The following ITGA11 variants were observed in gnomAD, a reference collection of about 807,000 sequenced individuals.
The protein encoded by ITGA11 is integrin subunit alpha 11.
ITGA11 carries 97 observed loss-of-function variants against 141.9 expected under a neutral mutation model. The ratio of observed to expected loss-of-function variants is 0.68; its 90% CI spans 0.58 to 0.81. The LOEUF (loss-of-function observed/expected upper bound fraction) is 0.81. Among genes scored for constraint, ITGA11 ranks in the 30% least tolerant of loss-of-function variants. The pLI is 0.00. For missense variants in ITGA11, 1,387 were observed against 1,559.2 expected, an observed-to-expected ratio of 0.89 and a Z score of 1.86; for synonymous variants, 658 against 624.6, an observed-to-expected ratio of 1.05 and a Z score of -0.80.
intron 2 of ITGA11, among the ~76,000 whole-genome samples, chr15:68,390,872 C>T (rs533655230): frequency 3.3e-5 from 5 of 152,220 alleles, no homozygotes; most frequent in Admixed American, 2.6e-4. Context: ...GCAGAGGCTT[C>T]GCACTTCAAA....
chr15:68,348,942 C>G, intron 9 of ITGA11, 42 bp from the exon 10 acceptor site: 1 of 1,529,354 alleles, frequency 6.5e-7, no homozygotes, highest in Non-Finnish European at 8.9e-7. Flanking sequence ...CATGCCCAAT[C>G]CCTTAGCGCC....
In ITGA11 at chr15:68,304,040, C is replaced by G. The variant is rs1279167211; in HGVS notation, c.3382-155G>C. Among the ~76,000 whole-genome samples the G allele has an allele frequency of 6.6e-6, 1 of 152,188 alleles. No homozygotes were observed. Among genetic ancestry groups the G allele is most frequent in the African/African-American group, 2.4e-5 (1 of 41,434 alleles). On this transcript the variant is annotated intron_variant, in intron 28 of 29. Transcript: ENST00000315757. The surrounding 1 kb of genome is among the most constrained non-coding windows in gnomAD (Gnocchi z 6.1). The stretch of plus-strand genomic sequence containing the variant: ...CCAGAGGGATGGGTGGACAGGCCAG[C>G]CAAGGCCTCAGGACGACCACTGCCT...
At position 68,307,382 on chromosome 15, in the gene ITGA11, G is replaced by A. The variant is rs751206043; in HGVS notation, c.3347C>T (p.Pro1116Leu). 1.9e-6 allele frequency: 3 copies of A among 1,558,308 alleles called. No homozygotes were observed. The highest frequency in any genetic ancestry group is 2.6e-6 in the Non-Finnish European group (3 of 1,150,362). ...GGGATCCTCCTCACGGAAGATGAAGGGGCTGTGGAACTGCCTCTGCAAGGC... is the reference window on the plus strand; with the variant it reads ...GGGATCCTCCTCACGGAAGATGAAGAGGCTGTGGAACTGCCTCTGCAAGGC... ...NAALQRQFHS[P>L]FIFREEDPSR... The change falls in exon 28 of 30, where the codon CCC becomes CTC. Residue 1116 changes from proline (P) to leucine (L), a missense_variant. Pro to Leu is a moderately conservative substitution (Grantham distance 98). Transcript: ENST00000315757. This position sits in a 1 kb window ranked among gnomAD's most constrained non-coding sequence, Gnocchi z 6.1.
intron 1 of ITGA11, among the ~76,000 whole-genome samples, chr15:68,421,300 T>C (rs1411564373): frequency 3.3e-5 from 5 of 151,702 alleles, no homozygotes; most frequent in African/African-American, 1.2e-4. Context: ...AGGTGCCTGA[T>C]GTGTTTGAAG....
At chr15:68,358,672 G>T in intron 5 of ITGA11, 87 bp from the exon 6 acceptor site, 1 of 1,385,664 alleles carries the variant, frequency 7.2e-7, no homozygotes, top group Non-Finnish European at 9.8e-7. Flanking sequence ...AAGGACAAAT[G>T]AATGACTCTG....
At chr15:68,314,976 G>A (rs562095332) in intron 22 of ITGA11, among the ~76,000 whole-genome samples, 17 of 152,112 alleles carry the variant, frequency 1.1e-4, no homozygotes, top group South Asian at 1.0e-3. Flanking sequence ...AGGTAATTCT[G>A]CAAAAAAGAG....
At chr15:68,383,887 G>C (rs547596828) in intron 2 of ITGA11, among the ~76,000 whole-genome samples, 1 of 152,188 alleles carries the variant, frequency 6.6e-6, no homozygotes, top group Non-Finnish European at 1.5e-5. Context: ...GCTGCTGTAG[G>C]GGGAGGCTGG....
chr15:68,359,907 A>G (rs185422873), intron 5 of ITGA11, among the ~76,000 whole-genome samples: 61 of 152,370 alleles, frequency 4.0e-4, no homozygotes, highest in Admixed American at 3.8e-3. Context: ...ACAATGCTGC[A>G]TGAACCTTTT....
Position 68,333,212 on chromosome 15 carries a change from A to G in ITGA11, c.1426-734T>C, listed in dbSNP as rs1894233810. Reference sequence around the variant, plus strand: ...ACTCCTGGGTTCAAGTGATCCTCCCATCTCAGCCTCCTGAGTAGCTGGGAC... The same window carrying G: ...ACTCCTGGGTTCAAGTGATCCTCCCGTCTCAGCCTCCTGAGTAGCTGGGAC... On this transcript the variant is annotated intron_variant, in intron 12 of 29. Coordinates refer to ENST00000315757, the MANE Select transcript of ITGA11 (RefSeq NM_001004439.2). The surrounding 1 kb of genome is among the most constrained non-coding windows in gnomAD (Gnocchi z 4.2). Among the ~76,000 whole-genome samples, 1 of 151,532 alleles carries G rather than the reference A, an allele frequency of 6.6e-6. No individual in the cohort carries two copies. Among genetic ancestry groups the G allele is most frequent in the East Asian group, 1.9e-4 (1 of 5,180 alleles).
intron 1 of ITGA11, among the ~76,000 whole-genome samples, chr15:68,416,898 A>G (rs1896899785): frequency 6.6e-6 from 1 of 152,222 alleles, no homozygotes; most frequent in Non-Finnish European, 1.5e-5. Flanking sequence ...ACCGGGTGAC[A>G]TATGGAGACC....
chr15:68,424,175 T>G (rs1372526993), intron 1 of ITGA11, among the ~76,000 whole-genome samples: 1 of 152,216 alleles, frequency 6.6e-6, no homozygotes, highest in Non-Finnish European at 1.5e-5. Context: ...ACTCCACACC[T>G]ACCAGCTCCA....
At chr15:68,402,683 T>C (rs1428914212) in intron 2 of ITGA11, among the ~76,000 whole-genome samples, 2 of 152,162 alleles carry the variant, frequency 1.3e-5, no homozygotes, top group Non-Finnish European at 2.9e-5. Flanking sequence ...GGAGGGCTCG[T>C]TCATTCCCAT....
intron 1 of ITGA11, among the ~76,000 whole-genome samples, chr15:68,406,065 A>C (rs1896645005): frequency 6.6e-6 from 1 of 152,016 alleles, no homozygotes; most frequent in Admixed American, 6.5e-5. Context: ...GCTGTCAGGA[A>C]ATCCAGACCA....
chr15:68,428,803 A>G (rs376498183), intron 1 of ITGA11, among the ~76,000 whole-genome samples: 3 of 152,182 alleles, frequency 2.0e-5, no homozygotes, highest in East Asian at 1.9e-4. Flanking sequence ...CCTTTTCCAC[A>G]CCACAATACA....
intron 10 of ITGA11, among the ~76,000 whole-genome samples, chr15:68,344,420 A>G (rs1191367314): frequency 6.6e-6 from 1 of 152,056 alleles, no homozygotes; most frequent in Non-Finnish European, 1.5e-5. Context: ...GGAAGATTAC[A>G]CCTCTAAAGC....
intron 11 of ITGA11, 119 bp downstream of exon 11, chr15:68,339,381 G>C: frequency 8.4e-7 from 1 of 1,195,522 alleles, no homozygotes; most frequent in Non-Finnish European, 1.2e-6. Context: ...TTGGGTGCTT[G>C]AATCAGCCCA....
At chr15:68,408,402 C>A (rs1896695443) in intron 1 of ITGA11, among the ~76,000 whole-genome samples, 1 of 152,136 alleles carries the variant, frequency 6.6e-6, no homozygotes, top group African/African-American at 2.4e-5. Flanking sequence ...TTACTCCTGT[C>A]TCCCGCATCA....
intron 10 of ITGA11, 21 bp from the exon 11 acceptor site, chr15:68,339,665 C>T: frequency 1.2e-6 from 2 of 1,613,624 alleles, no homozygotes; most frequent in Non-Finnish European, 1.7e-6. Flanking sequence ...GGAGGGGACA[C>T]ACATCAGCAC....
intron 1 of ITGA11, among the ~76,000 whole-genome samples, chr15:68,417,386 C>G (rs2140432025): frequency 6.6e-6 from 1 of 152,350 alleles, no homozygotes; most frequent in East Asian, 1.9e-4. Flanking sequence ...GCCCTCCATT[C>G]CTCTCCAATG....
Sources: gnomAD v4.1 joint callset for allele counts (sites outside exome capture counted in the v4.1 genomes callset) on GRCh38, gnomAD v4.1.1 for gene constraint, Gnocchi (gnomAD v3.1) non-coding constraint, MANE v1.5 for transcripts, NCBI Gene and HGNC (gene_info 2026-07-23, HGNC 2026-07-21) for gene names.